Variants in LRPAP1 observed in about 807,000 individuals in gnomAD.
LRPAP1 encodes the protein alpha-2-macroglobulin receptor-associated protein.
LRPAP1 carries 41 observed loss-of-function variants against 39.9 expected under a neutral mutation model. That is an observed-to-expected ratio of 1.03 (90% CI 0.80 to 1.33). LRPAP1 has a LOEUF of 1.33. Ranked by LOEUF, LRPAP1 falls within the 40% of genes most tolerant of loss-of-function variation. The pLI, the probability that LRPAP1 is intolerant of heterozygous loss-of-function variation, is 0.00. For missense variants in LRPAP1, 565 were observed against 482.3 expected, an observed-to-expected ratio of 1.17 and a Z score of -1.61; for synonymous variants, 263 against 212.7, an observed-to-expected ratio of 1.24 and a Z score of -2.06.
At position 3,518,994 on chromosome 4, in the gene LRPAP1, AAG is replaced by A; in HGVS notation, c.472-5_472-4del. ...GAGAATTTCCCAGAGGTCTTCGCCT[AAG>A]AGGGAAACAAGGCCTGGAGTGAACC... On this transcript the variant is annotated splice_region_variant and splice_polypyrimidine_tract_variant and intron_variant, in intron 3 of 7. Transcript: ENST00000650182. 6.2e-7 allele frequency: 1 copy of A among 1,613,154 alleles called. No individual in the cohort carries two copies. The highest frequency in any genetic ancestry group is 8.5e-7 in the Non-Finnish European group (1 of 1,179,464).
chr4:3,530,373 G>A (rs1026057161), intron 1 of LRPAP1, among the ~76,000 whole-genome samples: 1 of 152,218 alleles, frequency 6.6e-6, no homozygotes, highest in African/African-American at 2.4e-5. Flanking sequence ...CTGCAGGCCT[G>A]CCTGCCATAG....
At chr4:3,514,686 A>G in intron 7 of LRPAP1, 66 bp downstream of exon 7, 1 of 1,526,768 alleles carries the variant, frequency 6.5e-7, no homozygotes, top group African/African-American at 1.4e-5. Flanking sequence ...CCTGAGCTGC[A>G]TGTGGGCGGC....
At position 3,525,067 on chromosome 4, in the gene LRPAP1, A is replaced by T. The variant is rs199843809; in HGVS notation, c.205-16T>A. The T allele has an allele frequency of 6.2e-7, 1 of 1,613,618 alleles. No individual in the cohort carries two copies. The highest frequency in any genetic ancestry group is 8.5e-7 in the Non-Finnish European group (1 of 1,180,000). On this transcript the variant is annotated splice_polypyrimidine_tract_variant and intron_variant, in intron 1 of 7. Coordinates refer to ENST00000650182, the MANE Select transcript of LRPAP1 (RefSeq NM_002337.4). ...GAAGATGCAGCTGCGAACGAAGGGG[A>T]GGAGCCTGTGAGCCACGAGCAGGAC...
At position 3,507,269 on chromosome 4, in the gene LRPAP1, G is replaced by T. The variant is rs1180504852; in HGVS notation, c.*5705C>A. 1 of 152,176 alleles carries T rather than the reference G, an allele frequency of 6.6e-6. No individual in the cohort carries two copies. The highest frequency in any genetic ancestry group is 1.5e-5 in the Non-Finnish European group (1 of 68,024). The allele number at this position is 152,176 out of a possible 1,614,324, so 9.4% of individuals were successfully genotyped here. A position where few individuals can be genotyped will look rare whatever the true frequency, so the allele number is the denominator to read the frequency against. ...GACCCAGTTTTTTAAATAGGCAAAA[G>T]AATTAAGTAGGCCCTTCCCAAAGAC... On this transcript the variant is annotated 3_prime_UTR_variant, in exon 8 of 8. Transcript: ENST00000650182.
rs1472241149 is a variant in LRPAP1 at position 3,518,343 on chromosome 4, G to C, written c.593-151C>G. On this transcript the variant is annotated intron_variant, in intron 4 of 7. Transcript: ENST00000650182. ...CCTTCCGCGGTCCTGCAGCGCCGCA[G>C]AAACGACCGTTGGCACAGCTTCCTT... The C allele has an allele frequency of 6.0e-6, 5 of 827,706 alleles. No individual in the cohort carries two copies. The Admixed American group carries it at 1.6e-4, about 26-fold the overall frequency. 51.3% of individuals were successfully genotyped at this position (827,706 alleles called of 1,614,324 possible).
At position 3,527,408 on chromosome 4, in the gene LRPAP1, A is replaced by AG. The variant is rs376739900; in HGVS notation, c.205-2358dup. ...ACCTGAGTGACGCTGAACTCTCAGG[A>AG]GGGGCAGTCGGTGCCTCAGGAGGAG... On this transcript the variant is annotated intron_variant, in intron 1 of 7. Coordinates refer to ENST00000650182, the MANE Select transcript of LRPAP1 (RefSeq NM_002337.4). 2.2e-3 allele frequency among the ~76,000 whole-genome samples: 338 copies of AG among 152,260 alleles called. 1 individual carries two copies. Among genetic ancestry groups the AG allele is most frequent in the African/African-American group, 7.5e-3 (310 of 41,552 alleles).
Position 3,514,860 on chromosome 4 carries a change from C to A in LRPAP1, c.903G>T (p.Ala301=), listed in dbSNP as rs200532799. 2.5e-6 allele frequency: 4 copies of A among 1,613,884 alleles called. No individual in the cohort carries two copies. In the East Asian group the frequency reaches 6.7e-5, roughly 27 times the overall value. Residue 301 remains alanine (A), a synonymous_variant, in exon 7 of 8, where the codon GCG becomes GCT. Coordinates refer to ENST00000650182, the MANE Select transcript of LRPAP1 (RefSeq NM_002337.4). ...TCTCTGCGTGCCTCAGCTTCTCGTG[C>A]GCAATCTCCAGCTGCTTCTGGTAGT... ...HNHYQKQLEI[A]HEKLRHAESV...
In LRPAP1 at chr4:3,507,926, T is replaced by G. The variant is rs1729400012; in HGVS notation, c.*5048A>C. 1 of 152,238 alleles carries G rather than the reference T, an allele frequency of 6.6e-6. No homozygotes were observed. The highest frequency in any genetic ancestry group is 1.5e-5 in the Non-Finnish European group (1 of 68,046). The allele number at this position is 152,238 out of a possible 1,614,324, so 9.4% of individuals were successfully genotyped here. A position where few individuals can be genotyped will look rare whatever the true frequency, so the allele number is the denominator to read the frequency against. On this transcript the variant is annotated 3_prime_UTR_variant, in exon 8 of 8. Coordinates refer to ENST00000650182, the MANE Select transcript of LRPAP1 (RefSeq NM_002337.4). ...GATACTGTGAATGATTTATGTAAATTGTTTTGATAACTTAGATGAAATTCT... is the reference window on the plus strand; with the variant it reads ...GATACTGTGAATGATTTATGTAAATGGTTTTGATAACTTAGATGAAATTCT...
In LRPAP1 at chr4:3,505,876, G is replaced by A. The variant is rs552120337; in HGVS notation, c.*7098C>T. 4.6e-5 allele frequency among the ~76,000 whole-genome samples: 7 copies of A among 152,314 alleles called. No individual in the cohort carries two copies. In the South Asian group the frequency reaches 1.4e-3, roughly 32 times the overall value. ...TTTCAGATGGATGCTGACCCAGCAG[G>A]CTGGGCTGAGCTGGGACCAGCTCTT... is the stretch of plus-strand genomic sequence containing the variant. On this transcript the variant is annotated 3_prime_UTR_variant, in exon 8 of 8. Coordinates refer to ENST00000650182, the MANE Select transcript of LRPAP1 (RefSeq NM_002337.4).
intron 6 of LRPAP1, chr4:3,515,867 C>T (rs541717804): frequency 9.1e-6 from 5 of 549,632 alleles, no homozygotes; most frequent in Admixed American, 3.2e-5. Flanking sequence ...ACCAAGGCCA[C>T]GCTCAGACGT....
At chr4:3,519,469 T>G (rs890159528) in intron 3 of LRPAP1, among the ~76,000 whole-genome samples, 3 of 152,176 alleles carry the variant, frequency 2.0e-5, no homozygotes, top group Non-Finnish European at 4.4e-5. Context: ...ACCGACTCCA[T>G]CTCTCCTGGC....
chr4:3,513,325 A>AGT (rs1326340949), intron 7 of LRPAP1, among the ~76,000 whole-genome samples: 2 of 152,220 alleles, frequency 1.3e-5, no homozygotes, highest in East Asian at 3.9e-4. Flanking sequence ...TTATTTACTT[A>AGT]CTGAAAGGGT....
Position 3,520,177 on chromosome 4 carries a change from A to G in LRPAP1, c.366T>C (p.Tyr122=), listed in dbSNP as rs1427536529. The change falls in exon 3 of 8, where the codon TAT becomes TAC. Residue 122 remains tyrosine, a synonymous_variant. Coordinates refer to ENST00000650182, the MANE Select transcript of LRPAP1 (RefSeq NM_002337.4). ...GAGCGTCCTTCTTTCCGTCCAGACC[A>G]TACTTGGCCAAGATGACTAGGAGAG... is the stretch of plus-strand genomic sequence containing the variant. ...IRNLNVILAK[Y]GLDGKKDARQ... The G allele has an allele frequency of 1.2e-6, 2 of 1,613,710 alleles. No individual in the cohort carries two copies. Among genetic ancestry groups the G allele is most frequent in the East Asian group, 2.2e-5 (1 of 44,880 alleles).
chr4:3,532,131 C>A (rs1467938400), intron 1 of LRPAP1, 78 bp downstream of exon 1: 10 of 1,485,256 alleles, frequency 6.7e-6, no homozygotes, highest in Non-Finnish European at 9.1e-6. Context: ...CGCCTCCGAC[C>A]CCTGGGCCCC....
In LRPAP1 at chr4:3,519,946, C is replaced by G; in HGVS notation, c.471+126G>C. On this transcript the variant is annotated intron_variant, in intron 3 of 7. Transcript: ENST00000650182. The stretch of plus-strand genomic sequence containing the variant: ...TGGAATGGCTTCCTTAGGAAGCCAC[C>G]GTCTTCCTGAGACTTTCCCAAACCC... The G allele has an allele frequency of 9.6e-6, 11 of 1,141,964 alleles. No homozygotes were observed. In the South Asian group the frequency reaches 1.0e-4, roughly 11 times the overall value. The allele number at this position is 1,141,964 out of a possible 1,614,324, so 70.7% of individuals were successfully genotyped here. A position where few individuals can be genotyped will look rare whatever the true frequency, so the allele number is the denominator to read the frequency against.
At chr4:3,522,136 A>C (rs10007398) in intron 2 of LRPAP1, among the ~76,000 whole-genome samples, 2 of 151,958 alleles carry the variant, frequency 1.3e-5, no homozygotes, top group East Asian at 1.9e-4. Context: ...TCCTGCCCAG[A>C]CCCCCAAGTC....
At chr4:3,513,456 C>A (rs1242095876) in intron 7 of LRPAP1, among the ~76,000 whole-genome samples, 1 of 152,084 alleles carries the variant, frequency 6.6e-6, no homozygotes, top group East Asian at 1.9e-4. Flanking sequence ...TACAGGTGCC[C>A]ACCGCCACGC....
chr4:3,527,338 G>C (rs1577211946), intron 1 of LRPAP1, among the ~76,000 whole-genome samples: 1 of 152,178 alleles, frequency 6.6e-6, no homozygotes, highest in Admixed American at 6.5e-5. Context: ...GAGACCTGAG[G>C]TCTGATCTGA....
At chr4:3,528,948 C>T (rs1553855371) in intron 1 of LRPAP1, among the ~76,000 whole-genome samples, 1 of 152,132 alleles carries the variant, frequency 6.6e-6, no homozygotes, top group Non-Finnish European at 1.5e-5. Context: ...CTCTGCAGAC[C>T]TCAGTTTCCA....
Sources: gnomAD v4.1 joint callset for allele counts (sites outside exome capture counted in the v4.1 genomes callset) on GRCh38, gnomAD v4.1.1 for gene constraint, MANE v1.5 for transcripts, NCBI Gene and HGNC (gene_info 2026-07-23, HGNC 2026-07-21) for gene names.